Variants in DDX4 observed in about 807,000 individuals in gnomAD.
The protein encoded by DDX4 is DEAD-box helicase 4, also known as probable ATP-dependent RNA helicase DDX4.
A neutral mutation model predicts 100.0 loss-of-function variants in DDX4; 25 were observed. That is an observed-to-expected ratio of 0.25 (90% confidence interval 0.18 to 0.35). DDX4 has a LOEUF of 0.35. Among genes scored for constraint, DDX4 ranks in the 10% least tolerant of loss-of-function variants. DDX4 has a pLI of 1.00. For missense variants in DDX4, 635 were observed against 882.4 expected (o/e 0.72, Z 3.55); for synonymous variants, 259 against 275.7 (o/e 0.94, Z 0.60).
chr5:55,781,229 A>G (rs1741892699), intron 9 of DDX4, 83 bp downstream of exon 9: 3 of 1,110,298 alleles, frequency 2.7e-6, no homozygotes, highest in Non-Finnish European at 3.9e-6. Context: ...TATATATGTT[A>G]AAGTATACTA....
At chr5:55,760,794 C>G (rs533619346) in intron 4 of DDX4, among the ~76,000 whole-genome samples, 3 of 152,224 alleles carry the variant, frequency 2.0e-5, no homozygotes, top group Middle Eastern at 3.4e-3. Context: ...AGCAAAACAC[C>G]TTTCTACAGT....
At chr5:55,745,300 A>G (rs556080787) in intron 2 of DDX4, among the ~76,000 whole-genome samples, 1 of 152,184 alleles carries the variant, frequency 6.6e-6, no homozygotes, top group Non-Finnish European at 1.5e-5. Context: ...AATCACTAAT[A>G]CTCTGTAATA....
intron 1 of DDX4, 83 bp from the exon 2 acceptor site, chr5:55,738,867 G>A: frequency 2.3e-6 from 2 of 854,124 alleles, no homozygotes; most frequent in Non-Finnish European, 3.9e-6. Context: ...CAAGATGTAT[G>A]TGAAACAATG....
chr5:55,795,832 T>C (rs538667516), intron 17 of DDX4, among the ~76,000 whole-genome samples: 19 of 152,232 alleles, frequency 1.2e-4, no homozygotes, highest in African/African-American at 4.3e-4. Flanking sequence ...ATAATATATA[T>C]GTAGATATAA....
At chr5:55,760,610 C>T (rs193046492) in intron 4 of DDX4, among the ~76,000 whole-genome samples, 46 of 152,170 alleles carry the variant, frequency 3.0e-4, no homozygotes, top group African/African-American at 1.1e-3. Context: ...GTAAAAGCTT[C>T]AGGGATTAGA....
intron 16 of DDX4, among the ~76,000 whole-genome samples, chr5:55,791,894 G>C (rs1302212088): frequency 6.6e-6 from 1 of 151,974 alleles, no homozygotes; most frequent in Non-Finnish European, 1.5e-5. Flanking sequence ...GGCATATCAC[G>C]AGGTCAGGAG....
At position 55,814,897 on chromosome 5, in the gene DDX4, C is replaced by G. The variant is rs1188201688; in HGVS notation, c.1716-4C>G. On this transcript the variant is annotated splice_polypyrimidine_tract_variant and splice_region_variant and intron_variant, in intron 19 of 21. Coordinates refer to ENST00000505374, the MANE Select transcript of DDX4 (RefSeq NM_024415.3). ...TCTAATAACATGCTTTCTTTTCTTT[C>G]AAGTGATCGGGAACAGAGAGAGCGG... 1.9e-6 allele frequency: 3 copies of G among 1,604,334 alleles called. No individual in the cohort carries two copies. The highest frequency in any genetic ancestry group is 1.7e-5 in the Admixed American group (1 of 58,620).
intron 3 of DDX4, 113 bp downstream of exon 3, chr5:55,746,334 A>C (rs147762531): frequency 2.4e-6 from 2 of 822,324 alleles, no homozygotes; most frequent in East Asian, 2.7e-5. Context: ...AAAATTTCTT[A>C]GTGAAAGTTC....
chr5:55,766,654 T>G (rs1351769547), intron 6 of DDX4, among the ~76,000 whole-genome samples: 1 of 152,184 alleles, frequency 6.6e-6, no homozygotes, highest in East Asian at 1.9e-4. Context: ...GGTCACTGTT[T>G]ATTGTAGAAC....
chr5:55,788,560 TA>T (rs1295006389), intron 15 of DDX4, among the ~76,000 whole-genome samples: 1 of 152,220 alleles, frequency 6.6e-6, no homozygotes, highest in Non-Finnish European at 1.5e-5. Flanking sequence ...AATGTATATT[TA>T]AAAATGAACT....
At chr5:55,758,043 T>G (rs1760051627) in intron 3 of DDX4, among the ~76,000 whole-genome samples, 1 of 152,200 alleles carries the variant, frequency 6.6e-6, no homozygotes, top group Non-Finnish European at 1.5e-5. Flanking sequence ...AGACTCCATC[T>G]CAAACAAGAC....
At chr5:55,767,083 T>C in intron 6 of DDX4, 3 of 1,334,628 alleles carry the variant, frequency 2.2e-6, no homozygotes, top group Non-Finnish European at 2.0e-6. Context: ...AATTATTTCA[T>C]TAGCATGAAT....
Position 55,781,141 on chromosome 5 carries a change from G to A in DDX4, c.572G>A (p.Gly191Asp). ...GGTTCTAGAAGACCAGTATTAAGTG[G>A]CACAGGTGAGAAATAGAACTTATTA... ...LFGSRRPVLS[G>D]TGNGDTSQSR... Residue 191 changes from glycine (G) to aspartate (D), a missense_variant, in exon 9 of 22, where the codon GGC becomes GAC. By Grantham distance (94) the Gly-to-Asp change is moderately conservative. Coordinates refer to ENST00000505374, the MANE Select transcript of DDX4 (RefSeq NM_024415.3). The A allele has an allele frequency of 6.2e-7, 1 of 1,609,636 alleles. No homozygotes were observed. The highest frequency in any genetic ancestry group is 1.1e-5 in the South Asian group (1 of 89,964).
chr5:55,766,902 A>G (rs1444654047), intron 6 of DDX4: 27 of 1,515,768 alleles, frequency 1.8e-5, no homozygotes, highest in Non-Finnish European at 2.3e-5. Context: ...TCGAAAAATC[A>G]TTCCTTTCAG....
chr5:55,761,603 C>CTTTTTTTTTTTTTTTTTTT (rs34702955), intron 4 of DDX4, among the ~76,000 whole-genome samples: 1 of 148,290 alleles, frequency 6.7e-6, no homozygotes, highest in African/African-American at 2.5e-5. Flanking sequence ...ATATAGTTTC[C>CTTTTTTTTTTTTTTTTTTT]TTTTTTTTTT....
intron 6 of DDX4, among the ~76,000 whole-genome samples, chr5:55,766,008 G>A (rs1226306927): frequency 2.7e-4 from 41 of 149,384 alleles, no homozygotes; most frequent in Admixed American, 5.3e-4. Flanking sequence ...TAGTAGAGAC[G>A]GGGTTTCGTC....
At chr5:55,755,656 T>TG (rs1739519839) in intron 3 of DDX4, among the ~76,000 whole-genome samples, 1 of 152,202 alleles carries the variant, frequency 6.6e-6, no homozygotes, top group African/African-American at 2.4e-5. Context: ...GAAAATTACC[T>TG]GTTTTTTTAC....
chr5:55,751,590 T>C (rs1399254421), intron 3 of DDX4, among the ~76,000 whole-genome samples: 1 of 152,240 alleles, frequency 6.6e-6, no homozygotes, highest in Non-Finnish European at 1.5e-5. Flanking sequence ...GTTGTTATTC[T>C]GTAAGTTTCT....
At chr5:55,756,429 T>G (rs1489742639) in intron 3 of DDX4, among the ~76,000 whole-genome samples, 1 of 152,166 alleles carries the variant, frequency 6.6e-6, no homozygotes, top group Non-Finnish European at 1.5e-5. Flanking sequence ...ATGAAAGGGA[T>G]TAGAAGTCAG....
Sources: allele counts gnomAD v4.1 joint callset (sites outside exome capture counted in the v4.1 genomes callset), GRCh38; gene constraint gnomAD v4.1.1; transcripts MANE v1.5; gene names NCBI Gene and HGNC (gene_info 2026-07-23, HGNC 2026-07-21).